PI4KB: variants seen among roughly 807,000 people sequenced by gnomAD.
PI4KB encodes PtdIns 4-kinase beta.
A neutral mutation model predicts 81.4 loss-of-function variants in PI4KB; 23 were observed. The observed-to-expected ratio is 0.28, with a 90% CI of 0.20 to 0.40. The LOEUF (loss-of-function observed/expected upper bound fraction) is 0.40. Among genes scored for constraint, PI4KB ranks in the 10% least tolerant of loss-of-function variants. The probability of loss-of-function intolerance (pLI) is 1.00; values close to 1 mark genes in which losing one functional copy is unlikely to be tolerated. For missense variants in PI4KB, 651 were observed against 1,036.6 expected, an observed-to-expected ratio of 0.63 and a Z score of 5.11; for synonymous variants, 381 against 406.8, an observed-to-expected ratio of 0.94 and a Z score of 0.76.
rs1246441291 is a variant in PI4KB, at chr1:151,292,067, T to A, written c.*785A>T. The A allele has an allele frequency of 6.6e-6, 1 of 152,126 alleles. No homozygotes were observed. The highest frequency in any genetic ancestry group is 2.4e-5 in the African/African-American group (1 of 41,388). The allele number at this position is 152,126 out of a possible 1,614,324, so 9.4% of individuals were successfully genotyped here. A position where few individuals can be genotyped will look rare whatever the true frequency, so the allele number is the denominator to read the frequency against. On this transcript the variant is annotated 3_prime_UTR_variant, in exon 12 of 12. Transcript: ENST00000368873. ...CTTTTGTATCTTGGACACTGAGGCA[T>A]CCGTTCATACCTCATCACCCATCTC...
At chr1:151,310,290 GGGGT>G in intron 2 of PI4KB, 35 bp from the exon 3 acceptor site, 1 of 1,295,592 alleles carries the variant, frequency 7.7e-7, no homozygotes, top group Non-Finnish European at 1.1e-6. Flanking sequence ...GGAGAAGGAG[GGGGT>G]GGGAAGGGAG....
At chr1:151,310,322 A>G (rs1696119493) in intron 2 of PI4KB, 67 bp from the exon 3 acceptor site, 10 of 1,041,650 alleles carry the variant, frequency 9.6e-6, no homozygotes, top group Middle Eastern at 2.1e-4. Flanking sequence ...AGACAAAGGT[A>G]AAGAATTTAG....
Position 151,307,679 on chromosome 1 carries a change from G to C in PI4KB, c.1077C>G (p.Leu359=). ...AGACTCGGGCAGGGAGCTTATGGTTGAGCAGGGAGAGCTCTGAGATCAGCC... is the reference window on the plus strand; with the variant it reads ...AGACTCGGGCAGGGAGCTTATGGTTCAGCAGGGAGAGCTCTGAGATCAGCC... ...TQRLISELSL[L]NHKLPARVWL... is the part of the protein sequence containing the mutation. Residue 359 remains leucine (L), a synonymous_variant, in exon 4 of 12, where the codon CTC becomes CTG. Transcript: ENST00000368873. The C allele has an allele frequency of 6.2e-7, 1 of 1,614,198 alleles. No individual in the cohort carries two copies. The highest frequency in any genetic ancestry group is 8.5e-7 in the Non-Finnish European group (1 of 1,180,014).
In PI4KB at chr1:151,316,212, T is replaced by C. The variant is rs746915444; in HGVS notation, c.270A>G (p.Leu90=). 1 of 1,614,142 alleles carries C rather than the reference T, an allele frequency of 6.2e-7. No individual in the cohort carries two copies. Among genetic ancestry groups the C allele is most frequent in the South Asian group, 1.1e-5 (1 of 91,080 alleles). ...CCCTGATCTGGGCAGGTGGATCATC[T>C]AGGCAACGGATCTCACTGTCCACAC... ...GDGVDSEIRC[L]DDPPAQIREE... is the part of the protein sequence containing the mutation. The change falls in exon 2 of 12, where the codon CTA becomes CTG. Residue 90 remains leucine, a synonymous_variant. Coordinates refer to ENST00000368873, the MANE Select transcript of PI4KB (RefSeq NM_001369623.2).
At chr1:151,297,156 C>T (rs917541752) in intron 9 of PI4KB, among the ~76,000 whole-genome samples, 3 of 152,080 alleles carry the variant, frequency 2.0e-5, no homozygotes, top group African/African-American at 2.4e-5. Flanking sequence ...CAGGGTCTCA[C>T]TCTGTTGCCC....
intron 3 of PI4KB, 78 bp from the exon 4 acceptor site, chr1:151,307,879 G>T: frequency 9.0e-7 from 1 of 1,117,024 alleles, no homozygotes; most frequent in Non-Finnish European, 1.4e-6. Context: ...GTCACTCCTG[G>T]CCATGCAGGC....
intron 3 of PI4KB, among the ~76,000 whole-genome samples, chr1:151,309,096 A>G (rs1346930765): frequency 6.6e-6 from 1 of 152,196 alleles, no homozygotes; most frequent in East Asian, 1.9e-4. Flanking sequence ...TGTTGAAAAG[A>G]GATAAAGAAA....
chr1:151,294,319 C>A, intron 10 of PI4KB, 90 bp downstream of exon 10: 1 of 1,519,994 alleles, frequency 6.6e-7, no homozygotes, highest in South Asian at 1.2e-5. Context: ...TCTGTTCATC[C>A]CTAATTTGCA....
chr1:151,327,180 G>C, intron 1 of PI4KB, 91 bp downstream of exon 1: 1 of 395,002 alleles, frequency 2.5e-6, no homozygotes, highest in Non-Finnish European at 4.5e-6. Flanking sequence ...GTCGAACTCA[G>C]GTGGGGAAGA....
At position 151,315,959 on chromosome 1, in the gene PI4KB, A is replaced by G; in HGVS notation, c.523T>C (p.Tyr175His). 6.2e-7 allele frequency: 1 copy of G among 1,613,222 alleles called. No individual in the cohort carries two copies. Among genetic ancestry groups the G allele is most frequent in the Non-Finnish European group, 8.5e-7 (1 of 1,179,288 alleles). The change falls in exon 2 of 12, where the codon TAT becomes CAT. Residue 175 changes from tyrosine (Y) to histidine (H), a missense_variant. Physicochemically the swap from Tyr to His is moderately conservative, Grantham distance 83. Transcript: ENST00000368873. ...TACATGTTAAGCAACTGGGGCAGAT[A>G]GAAGTCCACGTCCTCGTTGCGAAAG... ...FCFRNEDVDF[Y>H]LPQLLNMYIH...
At chr1:151,326,896 C>A (rs761489509) in intron 1 of PI4KB, among the ~76,000 whole-genome samples, 8 of 151,938 alleles carry the variant, frequency 5.3e-5, no homozygotes, top group Admixed American at 6.6e-5. Context: ...AAGGTGGAGT[C>A]CATGGAAAAG....
intron 11 of PI4KB, 156 bp downstream of exon 11, chr1:151,293,854 GAATGTCCT>G (rs1281404407): frequency 1.4e-6 from 1 of 706,262 alleles, no homozygotes; most frequent in African/African-American, 1.8e-5. Flanking sequence ...GGGTCAGGAG[GAATGTCCT>G]AAAGGAGAAA....
At chr1:151,325,625 A>G (rs1030561623) in intron 1 of PI4KB, among the ~76,000 whole-genome samples, 9 of 152,200 alleles carry the variant, frequency 5.9e-5, no homozygotes, top group African/African-American at 2.2e-4. Flanking sequence ...CACTGGGGGA[A>G]AAAGCAAAGC....
chr1:151,319,984 C>T (rs535091671), intron 1 of PI4KB, among the ~76,000 whole-genome samples: 40 of 152,290 alleles, frequency 2.6e-4, no homozygotes, highest in African/African-American at 8.7e-4. Context: ...AGGCTGTTTT[C>T]CACCACCACC....
chr1:151,321,163 C>T (rs1302194389), intron 1 of PI4KB, among the ~76,000 whole-genome samples: 1 of 152,144 alleles, frequency 6.6e-6, no homozygotes, highest in Non-Finnish European at 1.5e-5. Flanking sequence ...TTTTACTCCT[C>T]AGGGAGCTAG....
At chr1:151,312,829 T>C (rs1381962378) in intron 2 of PI4KB, among the ~76,000 whole-genome samples, 1 of 152,094 alleles carries the variant, frequency 6.6e-6, no homozygotes, top group Non-Finnish European at 1.5e-5. Flanking sequence ...GCTTGGGCAA[T>C]AGAGCACGAC....
intron 8 of PI4KB, among the ~76,000 whole-genome samples, chr1:151,301,255 G>A (rs1228514539): frequency 1.3e-5 from 2 of 151,964 alleles, no homozygotes; most frequent in African/African-American, 2.4e-5. Context: ...TTGCTCTGTC[G>A]CCCAGGCTAG....
At chr1:151,302,335 C>A (rs772623038) in intron 6 of PI4KB, 37 bp from the exon 7 acceptor site, 2 of 1,452,570 alleles carry the variant, frequency 1.4e-6, no homozygotes, top group Non-Finnish European at 9.7e-7. Context: ...CTTGGAGAAG[C>A]TACCCCCAAG....
At chr1:151,303,298 C>A in intron 6 of PI4KB, 1 of 430,542 alleles carries the variant, frequency 2.3e-6, no homozygotes, top group Non-Finnish European at 4.3e-6. Context: ...TATGCCCGGC[C>A]CCTCTGGTGC....
Sources: allele counts gnomAD v4.1 joint callset (sites outside exome capture counted in the v4.1 genomes callset), GRCh38; gene constraint gnomAD v4.1.1; transcripts MANE v1.5; gene names NCBI Gene and HGNC (gene_info 2026-07-23, HGNC 2026-07-21).